DRC4: variants seen among roughly 807,000 people sequenced by gnomAD.
DRC4 encodes the protein dynein regulatory complex subunit 4, also known as GAS-11.
the DRC4 span, chr16:90,033,053 C>A: frequency 2.1e-6 from 2 of 975,334 alleles, no homozygotes; most frequent in East Asian, 2.6e-5. Flanking sequence ...TGCATTTTTG[C>A]AATTTGTTGA....
chr16:90,042,191 C>T, the DRC4 span: 1 of 510,638 alleles, frequency 2.0e-6, no homozygotes, highest in Admixed American at 2.3e-5. Context: ...CCTCCTTGGC[C>T]TCCCACACTG....
chr16:90,037,109 A>C, the DRC4 span: 2 of 938,870 alleles, frequency 2.1e-6, no homozygotes, highest in Non-Finnish European at 3.2e-6. Context: ...TCTAGGTGCC[A>C]GCATGCCTGA....
At chr16:90,043,370 C>T in the DRC4 span, 3 of 1,595,794 alleles carry the variant, frequency 1.9e-6, no homozygotes, top group African/African-American at 4.0e-5. Flanking sequence ...GGCCACAGCC[C>T]AGAGAACCAG....
the DRC4 span, chr16:90,032,635 T>C: frequency 7.8e-7 from 1 of 1,288,146 alleles, no homozygotes; most frequent in Non-Finnish European, 1.1e-6. Flanking sequence ...ACAGGTGTGC[T>C]ATGGGTGACC....
At chr16:90,035,198 C>T in the DRC4 span, among the ~76,000 whole-genome samples, 4 of 152,074 alleles carry the variant, frequency 2.6e-5, no homozygotes, top group Admixed American at 6.6e-5. Flanking sequence ...CCACTGTGCC[C>T]GGCAATCTTT....
the DRC4 span, among the ~76,000 whole-genome samples, chr16:90,023,095 C>G: frequency 6.6e-6 from 1 of 152,192 alleles, no homozygotes; most frequent in Non-Finnish European, 1.5e-5. Context: ...AGGGTTTCAG[C>G]TCACGAGGCT....
At chr16:90,032,638 G>A in the DRC4 span, 7 of 1,320,534 alleles carry the variant, frequency 5.3e-6, no homozygotes, top group African/African-American at 4.4e-5. Context: ...GGTGTGCTAT[G>A]GGTGACCAGG....
the DRC4 span, among the ~76,000 whole-genome samples, chr16:90,031,700 G>A: frequency 6.6e-6 from 1 of 152,174 alleles, no homozygotes; most frequent in African/African-American, 2.4e-5. Flanking sequence ...GAAGGAATAT[G>A]GGCTCTGGGG....
At chr16:90,041,043 C>T in the DRC4 span, among the ~76,000 whole-genome samples, 1 of 152,140 alleles carries the variant, frequency 6.6e-6, no homozygotes, top group African/African-American at 2.4e-5. Flanking sequence ...CCAGTGAGCA[C>T]AGGCAGGTGA....
chr16:90,042,986 G>C, the DRC4 span: 1 of 569,434 alleles, frequency 1.8e-6, no homozygotes. Context: ...TGTGGAATAG[G>C]AATAGTGACA....
the DRC4 span, chr16:90,036,506 C>A: frequency 6.2e-7 from 1 of 1,613,772 alleles, no homozygotes; most frequent in Non-Finnish European, 8.5e-7. Flanking sequence ...GATGCAGCGC[C>A]ACGAGGAGGC....
chr16:90,019,732 C>T, the DRC4 span: 15 of 654,306 alleles, frequency 2.3e-5, no homozygotes, highest in Middle Eastern at 2.7e-4. The surrounding 1 kb of genome is among the most constrained non-coding windows in gnomAD (Gnocchi z 6.1). Flanking sequence ...ACTCACTTGG[C>T]GGCCGCGCCC....
chr16:90,022,760 C>T, the DRC4 span: 18 of 1,363,666 alleles, frequency 1.3e-5, no homozygotes, highest in South Asian at 1.6e-5. Flanking sequence ...GGGTCCTCGG[C>T]AGGGGCCCGG....
At chr16:90,043,435 A>G in the DRC4 span, 54 of 1,267,808 alleles carry the variant, frequency 4.3e-5, no homozygotes, top group Non-Finnish European at 5.8e-5. Flanking sequence ...CAAGTTTTTT[A>G]GATTTTATCA....
the DRC4 span, among the ~76,000 whole-genome samples, chr16:90,023,213 C>G: frequency 6.6e-6 from 1 of 152,254 alleles, no homozygotes; most frequent in South Asian, 2.1e-4. Flanking sequence ...GGCTAGAGAT[C>G]CCTCTACACC....
the DRC4 span, among the ~76,000 whole-genome samples, chr16:90,024,655 T>TTC: frequency 6.6e-6 from 1 of 152,080 alleles, no homozygotes; most frequent in African/African-American, 2.4e-5. Context: ...CTCCAGCTCT[T>TTC]TCTCTTTTTC....
the DRC4 span, chr16:90,037,550 G>A: frequency 9.1e-7 from 1 of 1,094,936 alleles, no homozygotes; most frequent in East Asian, 2.5e-5. Context: ...TGTTCTCCTG[G>A]GGAAAGTAAA....
chr16:90,043,018 T>C, the DRC4 span: 3 of 643,062 alleles, frequency 4.7e-6, no homozygotes, highest in African/African-American at 5.5e-5. Flanking sequence ...TCGTGCTACC[T>C]GAGCCAACGC....
the DRC4 span, among the ~76,000 whole-genome samples, chr16:90,020,470 G>A: frequency 6.6e-6 from 1 of 152,206 alleles, no homozygotes; most frequent in East Asian, 1.9e-4. Context: ...AGGGCAGTCG[G>A]TTTGTTTGTA....
Sources: allele counts gnomAD v4.1 joint callset (sites outside exome capture counted in the v4.1 genomes callset), GRCh38; gene constraint gnomAD v4.1.1; non-coding constraint Gnocchi (gnomAD v3.1); transcripts MANE v1.5; gene names NCBI Gene and HGNC (gene_info 2026-07-23, HGNC 2026-07-21).